The following COG2 variants were observed in gnomAD, a reference collection of about 807,000 sequenced individuals.
COG2 encodes the protein conserved oligomeric Golgi complex subunit 2.
COG2 carries 52 observed loss-of-function variants against 90.6 expected under a neutral mutation model. The ratio of observed to expected loss-of-function variants is 0.57; its 90% CI spans 0.46 to 0.72. The LOEUF is 0.72. COG2 is among the 30% of genes least tolerant of loss of function. COG2 has a pLI of 0.00. For missense variants in COG2, 829 were observed against 891.2 expected, an observed-to-expected ratio of 0.93 and a Z score of 0.89; for synonymous variants, 337 against 320.4, an observed-to-expected ratio of 1.05 and a Z score of -0.55.
chr1:230,642,733 G>A (rs571223622), intron 1 of COG2, 55 bp downstream of exon 1: 1 of 1,538,168 alleles, frequency 6.5e-7, no homozygotes, highest in Non-Finnish European at 8.8e-7. Flanking sequence ...TCTGCCCTGT[G>A]CCCTCTGTGG....
chr1:230,645,233 CAAAAAAAA>C (rs57806034), intron 1 of COG2, among the ~76,000 whole-genome samples: 9 of 91,062 alleles, frequency 9.9e-5, no homozygotes, highest in Non-Finnish European at 1.5e-4. Flanking sequence ...GAGACCCTGT[CAAAAAAAA>C]AAAAAAAAAA....
At chr1:230,691,362 A>G (rs749708325) in intron 16 of COG2, 22 bp from the exon 17 acceptor site, 11 of 1,577,956 alleles carry the variant, frequency 7.0e-6, no homozygotes, top group South Asian at 1.2e-5. Flanking sequence ...CTTTTCACCA[A>G]TAAACGTGTC....
Position 230,688,460 on chromosome 1 carries a change from G to T in COG2, c.1692G>T (p.Val564=). The T allele has an allele frequency of 6.2e-7, 1 of 1,614,098 alleles. No homozygotes were observed. The highest frequency in any genetic ancestry group is 8.5e-7 in the Non-Finnish European group (1 of 1,180,024). Residue 564 remains valine, a synonymous_variant, in exon 15 of 18, where the codon GTG becomes GTT. Transcript: ENST00000366669. Reference sequence around the variant, plus strand: ...CCCAGAGCTCTTTTTCAGCCTGTGTGCCCTCCTTGAGTAGCAAGATCATCC... The same window carrying T: ...CCCAGAGCTCTTTTTCAGCCTGTGTTCCCTCCTTGAGTAGCAAGATCATCC... The part of the protein sequence containing the change: ...EDSQSSFSAC[V]PSLSSKIIQD...
chr1:230,674,437 C>G (rs1166669365), intron 8 of COG2, among the ~76,000 whole-genome samples: 3 of 152,158 alleles, frequency 2.0e-5, no homozygotes, highest in Non-Finnish European at 4.4e-5. Flanking sequence ...ACAAGACAGG[C>G]ACACACACAA....
At chr1:230,667,404 T>C (rs555578613) in intron 5 of COG2, among the ~76,000 whole-genome samples, 1 of 152,288 alleles carries the variant, frequency 6.6e-6, no homozygotes, top group East Asian at 1.9e-4. Flanking sequence ...GATACTCTTA[T>C]ATTATTGTAT....
intron 1 of COG2, among the ~76,000 whole-genome samples, chr1:230,658,199 G>T (rs1189566954): frequency 6.6e-6 from 1 of 152,114 alleles, no homozygotes; most frequent in Non-Finnish European, 1.5e-5. Context: ...CCCCATCTTT[G>T]TGGATTAATC....
intron 16 of COG2, 174 bp downstream of exon 16, chr1:230,690,327 G>T: frequency 1.8e-6 from 1 of 553,040 alleles, no homozygotes; most frequent in South Asian, 2.8e-5. Context: ...CCACACCCTT[G>T]TGGACGGCCT....
intron 7 of COG2, 118 bp downstream of exon 7, chr1:230,669,653 C>T (rs1478240297): frequency 7.9e-6 from 7 of 880,590 alleles, no homozygotes; most frequent in African/African-American, 1.7e-5. Flanking sequence ...TTCTCAGTTC[C>T]TACAGTACCA....
In COG2 at chr1:230,693,538, C is replaced by T. The variant is rs1663095120; in HGVS notation, c.*145C>T. 2 of 530,812 alleles carry T rather than the reference C, an allele frequency of 3.8e-6. No homozygotes were observed. Among genetic ancestry groups the T allele is most frequent in the South Asian group, 3.0e-5 (1 of 33,306 alleles). The allele number at this position is 530,812 out of a possible 1,614,324, so 32.9% of individuals were successfully genotyped here. A position where few individuals can be genotyped will look rare whatever the true frequency, so the allele number is the denominator to read the frequency against. ...GCATCACTCCAGCAACACGCCCATG[C>T]GTCTTCTCTCAGCGTATTTGGGTCT... On this transcript the variant is annotated 3_prime_UTR_variant, in exon 18 of 18. Transcript: ENST00000366669.
chr1:230,681,085 C>A (rs1280880849), intron 10 of COG2: 1 of 152,248 alleles, frequency 6.6e-6, no homozygotes, highest in African/African-American at 2.4e-5. Context: ...CATTTTGTAT[C>A]CTCTCACTCT....
chr1:230,689,629 C>T (rs1404265876), intron 15 of COG2, among the ~76,000 whole-genome samples: 3 of 152,242 alleles, frequency 2.0e-5, no homozygotes, highest in Admixed American at 2.0e-4. Flanking sequence ...AAAGCACAAT[C>T]CCAGAACTCA....
At position 230,693,635 on chromosome 1, in the gene COG2, C is replaced by T. The variant is rs372711449; in HGVS notation, c.*242C>T. On this transcript the variant is annotated 3_prime_UTR_variant, in exon 18 of 18. Transcript: ENST00000366669. ...TAGTTTTTAAGACATTTGAAACTTT[C>T]TACTATAGTTTACAGAACAAATTAT... 47 of 347,472 alleles carry T rather than the reference C, an allele frequency of 1.4e-4. 2 individuals are homozygous for T. The South Asian group carries it at 1.5e-3, about 11-fold the overall frequency. The allele number at this position is 347,472 out of a possible 1,614,324, so 21.5% of individuals were successfully genotyped here.
chr1:230,690,250 G>C, intron 16 of COG2, 97 bp downstream of exon 16: 25 of 1,044,034 alleles, frequency 2.4e-5, no homozygotes, highest in Non-Finnish European at 3.3e-5. Context: ...ATAAGGCAGT[G>C]AGACTGCCTA....
At chr1:230,670,618 A>T (rs963343051) in intron 7 of COG2, 5 of 151,920 alleles carry the variant, frequency 3.3e-5, no homozygotes, top group Admixed American at 1.3e-4. Context: ...AAGTGAAAAA[A>T]TTTTTTTGTG....
In COG2 at chr1:230,693,411, G is replaced by A. The variant is rs373033754; in HGVS notation, c.*18G>A. The A allele has an allele frequency of 2.9e-5, 44 of 1,519,364 alleles. 1 individual carries two copies. In the African/African-American group the frequency reaches 3.4e-4, roughly 12 times the overall value. 94.1% of individuals were successfully genotyped at this position (1,519,364 alleles called of 1,614,324 possible). A position where few individuals can be genotyped will look rare whatever the true frequency, so the allele number is the denominator to read the frequency against. On this transcript the variant is annotated 3_prime_UTR_variant, in exon 18 of 18. Transcript: ENST00000366669. ...AGCCTTAAGCATCTTGGAAGATCCC[G>A]AGGTTAGATTCTTAAGCAAGAGAAG...
rs150261948 is a variant in COG2, at chr1:230,669,388, G to A, written c.627G>A (p.Gln209=). The part of the protein sequence containing the change: ...RIAGITAMLQ[Q]SLEGLLLEGL... Reference sequence around the variant, plus strand: ...CTGGCATTACAGCCATGTTACAGCAGTCACTGGAAGGTCTCCTATTAGAAG... The same window carrying A: ...CTGGCATTACAGCCATGTTACAGCAATCACTGGAAGGTCTCCTATTAGAAG... The change falls in exon 7 of 18, where the codon CAG becomes CAA. Residue 209 remains glutamine, a synonymous_variant. Transcript: ENST00000366669. The A allele has an allele frequency of 8.9e-4, 1,437 of 1,613,836 alleles. 1 individual carries two copies. The highest frequency in any genetic ancestry group is 1.1e-3 in the Non-Finnish European group (1,287 of 1,179,782).
intron 15 of COG2, 21 bp from the exon 16 acceptor site, chr1:230,689,993 C>A: frequency 6.4e-7 from 1 of 1,560,824 alleles, no homozygotes; most frequent in Admixed American, 2.0e-5. Context: ...GCATCTTTAT[C>A]TCCTACCATC....
intron 1 of COG2, 66 bp from the exon 2 acceptor site, chr1:230,659,398 T>G: frequency 7.7e-7 from 1 of 1,290,932 alleles, no homozygotes; most frequent in Non-Finnish European, 1.1e-6. Context: ...CTTTCTTCCA[T>G]TTCATTTGTA....
chr1:230,642,805 C>G (rs1473913341), intron 1 of COG2, 127 bp downstream of exon 1: 2 of 829,920 alleles, frequency 2.4e-6, no homozygotes, highest in East Asian at 3.0e-5. Context: ...CCGCCGAGAC[C>G]TCGCTGCACT....
Sources: gnomAD v4.1 joint callset for allele counts (sites outside exome capture counted in the v4.1 genomes callset) on GRCh38, gnomAD v4.1.1 for gene constraint, MANE v1.5 for transcripts, NCBI Gene and HGNC (gene_info 2026-07-23, HGNC 2026-07-21) for gene names.